The following P2RX3 variants were observed in gnomAD, a reference collection of about 807,000 sequenced individuals.
P2RX3 encodes the protein P2X purinoceptor 3.
Under a neutral mutation model 51.5 loss-of-function variants are expected in P2RX3, and 41 were observed. The observed-to-expected ratio is 0.80, with a 90% CI of 0.62 to 1.03. The LOEUF is 1.03. Ranked by LOEUF, P2RX3 falls within the 50% of genes least tolerant of loss-of-function variation. The pLI is 0.00. For missense variants in P2RX3, 459 were observed against 522.1 expected (o/e 0.88, Z 1.18); for synonymous variants, 185 against 191.6 (o/e 0.97, Z 0.29).
intron 1 of P2RX3, 110 bp downstream of exon 1, chr11:57,338,779 G>T (rs1856284528): frequency 1.4e-6 from 1 of 716,132 alleles, no homozygotes; most frequent in East Asian, 2.5e-5. Context: ...CTGCTCCTGG[G>T]GGAAACAGTT....
chr11:57,354,995 G>A (rs558035307), intron 8 of P2RX3, among the ~76,000 whole-genome samples: 1 of 152,344 alleles, frequency 6.6e-6, no homozygotes, highest in Admixed American at 6.5e-5. Flanking sequence ...ACAGGAACAT[G>A]GAGACGGACA....
At chr11:57,345,528 A>G (rs1158795329) in intron 1 of P2RX3, among the ~76,000 whole-genome samples, 1 of 152,200 alleles carries the variant, frequency 6.6e-6, no homozygotes, top group Non-Finnish European at 1.5e-5. Context: ...TCTACCTCCC[A>G]GTGTGCCATC....
chr11:57,339,140 G>A (rs1457425902), intron 1 of P2RX3, among the ~76,000 whole-genome samples: 1 of 152,202 alleles, frequency 6.6e-6, no homozygotes, highest in Non-Finnish European at 1.5e-5. Flanking sequence ...GGTTGATCAA[G>A]TTGGTGGCCG....
chr11:57,342,543 T>TA (rs2134407823), intron 1 of P2RX3, among the ~76,000 whole-genome samples: 1 of 152,106 alleles, frequency 6.6e-6, no homozygotes, highest in Non-Finnish European at 1.5e-5. Context: ...ATATGGAACG[T>TA]AGAGCACTTG....
intron 1 of P2RX3, among the ~76,000 whole-genome samples, chr11:57,343,593 T>C (rs150987668): frequency 6.6e-5 from 10 of 152,314 alleles, no homozygotes; most frequent in Non-Finnish European, 1.5e-4. Context: ...AGTAAGAATG[T>C]AGTGAAAGAT....
chr11:57,338,109 A>T (rs1399045249), upstream of P2RX3, among the ~76,000 whole-genome samples: 2 of 152,204 alleles, frequency 1.3e-5, no homozygotes, highest in Non-Finnish European at 2.9e-5. Context: ...TGACTGGGGG[A>T]TGGGAAATTG....
chr11:57,346,489 T>A, intron 1 of P2RX3, 55 bp from the exon 2 acceptor site: 3 of 1,587,588 alleles, frequency 1.9e-6, no homozygotes, highest in Non-Finnish European at 2.6e-6. Context: ...CCAGCTTCTG[T>A]CTGCTGGGTC....
At chr11:57,349,621 A>T in intron 6 of P2RX3, 136 bp from the exon 7 acceptor site, 2 of 980,546 alleles carry the variant, frequency 2.0e-6, no homozygotes, top group Non-Finnish European at 3.0e-6. Flanking sequence ...GAAAGAGGGG[A>T]GGGAGATGGC....
chr11:57,347,607 C>A (rs977934145), intron 4 of P2RX3, 129 bp downstream of exon 4: 9 of 1,042,864 alleles, frequency 8.6e-6, no homozygotes, highest in Non-Finnish European at 1.1e-5. Flanking sequence ...ACAGTTGCTC[C>A]CTGGGTGCCA....
chr11:57,365,869 G>A (rs964322098), intron 8 of P2RX3, among the ~76,000 whole-genome samples: 1 of 152,180 alleles, frequency 6.6e-6, no homozygotes, highest in African/African-American at 2.4e-5. Flanking sequence ...TGATTCACTG[G>A]GGCTGAGCAT....
chr11:57,369,569 G>A (rs145220226), intron 11 of P2RX3, 131 bp downstream of exon 11: 2 of 851,638 alleles, frequency 2.3e-6, no homozygotes, highest in South Asian at 1.7e-5. Flanking sequence ...AATATTTGGG[G>A]TCCAGACAAG....
At chr11:57,348,037 C>G (rs1284077639) in intron 4 of P2RX3, 133 bp from the exon 5 acceptor site, 11 of 767,378 alleles carry the variant, frequency 1.4e-5, no homozygotes, top group Non-Finnish European at 1.9e-5. Flanking sequence ...GGAGAGAAGT[C>G]AGCTCCCTTT....
intron 1 of P2RX3, among the ~76,000 whole-genome samples, chr11:57,339,157 A>G (rs1178441072): frequency 6.6e-6 from 1 of 152,124 alleles, no homozygotes. Context: ...GCCGGGAGGG[A>G]AAGAGAGAAC....
chr11:57,345,030 T>C (rs960502441), intron 1 of P2RX3, among the ~76,000 whole-genome samples: 4 of 152,216 alleles, frequency 2.6e-5, no homozygotes, highest in Non-Finnish European at 4.4e-5. Context: ...AGCAACATGC[T>C]GTCCTGGAGT....
At position 57,368,117 on chromosome 11, in the gene P2RX3, C is replaced by T. The variant is rs1856824481; in HGVS notation, c.936+15C>T. ...TATACGGGAATGTGAGTCCATGGGC[C>T]AGGCAGATGGGGTGGACAGGGGAGG... On this transcript the variant is annotated intron_variant, in intron 9 of 11. Transcript: ENST00000263314. The T allele has an allele frequency of 6.2e-7, 1 of 1,611,972 alleles. No individual in the cohort carries two copies. The highest frequency in any genetic ancestry group is 2.2e-5 in the East Asian group (1 of 44,874).
chr11:57,360,209 C>T (rs531261669), intron 8 of P2RX3, among the ~76,000 whole-genome samples: 18 of 152,282 alleles, frequency 1.2e-4, no homozygotes, highest in African/African-American at 4.3e-4. Context: ...CGCATTGCCC[C>T]TATCGAGAGG....
intron 1 of P2RX3, among the ~76,000 whole-genome samples, chr11:57,345,107 G>A (rs58285707): frequency 1.1e-3 from 167 of 152,278 alleles, no homozygotes; most frequent in African/African-American, 3.6e-3. Flanking sequence ...TGAAGTCCTC[G>A]CCCACCTCCT....
At chr11:57,369,232 C>A (rs1856843295) in intron 10 of P2RX3, 129 bp from the exon 11 acceptor site, 1 of 746,294 alleles carries the variant, frequency 1.3e-6, no homozygotes. Flanking sequence ...AAGTTTGTTG[C>A]AAGGGTGAAA....
At chr11:57,365,013 G>A (rs1006668858) in intron 8 of P2RX3, among the ~76,000 whole-genome samples, 10 of 152,184 alleles carry the variant, frequency 6.6e-5, no homozygotes, top group African/African-American at 2.2e-4. Flanking sequence ...TCACTGAGTC[G>A]TTCTCAGCCT....
Sources: gnomAD v4.1 joint callset for allele counts (sites outside exome capture counted in the v4.1 genomes callset) on GRCh38, gnomAD v4.1.1 for gene constraint, MANE v1.5 for transcripts, NCBI Gene and HGNC (gene_info 2026-07-23, HGNC 2026-07-21) for gene names.